Variants in ARHGAP18 observed in about 807,000 individuals in gnomAD.
ARHGAP18 encodes Rho GTPase activating protein 18.
A neutral mutation model predicts 86.2 loss-of-function variants in ARHGAP18; 67 were observed. That is an observed-to-expected ratio of 0.78 (90% CI 0.64 to 0.95). The LOEUF is 0.95. Ranked by LOEUF, ARHGAP18 falls within the 40% of genes least tolerant of loss-of-function variation. The pLI, the probability that ARHGAP18 is intolerant of heterozygous loss-of-function variation, is 0.00. For synonymous variants in ARHGAP18, 283 were observed against 280.4 expected (o/e 1.01, Z -0.09); for missense variants, 691 against 780.4 (o/e 0.89, Z 1.37).
intron 1 of ARHGAP18, among the ~76,000 whole-genome samples, chr6:129,653,034 G>A (rs989122675): frequency 2.0e-5 from 3 of 151,944 alleles, no homozygotes; most frequent in African/African-American, 7.3e-5. Flanking sequence ...AATAACGAAA[G>A]CTACATACAC....
At chr6:129,658,301 A>G (rs1045885023) in intron 1 of ARHGAP18, among the ~76,000 whole-genome samples, 4 of 152,112 alleles carry the variant, frequency 2.6e-5, no homozygotes, top group African/African-American at 7.2e-5. Flanking sequence ...CCCAACTTAC[A>G]CCTCAACCAC....
chr6:129,605,958 A>T lies in ARHGAP18; in HGVS notation c.1284T>A (p.Asn428Lys). The T allele has an allele frequency of 6.2e-7, 1 of 1,612,972 alleles. No homozygotes were observed. Among genetic ancestry groups the T allele is most frequent in the Non-Finnish European group, 8.5e-7 (1 of 1,179,074 alleles). The change falls in exon 10 of 15, where the codon AAT (asparagine) becomes AAA (lysine). Residue 428 changes from asparagine (N) to lysine (K), a missense_variant and splice_region_variant. Transcript: ENST00000368149. ...GTAGTTGCTGCTTCTTGGTTGGAAG[A>T]TCTGCAGACAAATTAAATAAATCTG... Reference protein sequence around the residue: ...EYLKAFQAVQNLPTKKQQLQA... With the variant: ...EYLKAFQAVQKLPTKKQQLQA...
At chr6:129,653,138 T>C (rs962069727) in intron 1 of ARHGAP18, among the ~76,000 whole-genome samples, 2 of 152,100 alleles carry the variant, frequency 1.3e-5, no homozygotes, top group African/African-American at 2.4e-5. Flanking sequence ...TCATCTCATA[T>C]CTCAATGAGA....
intron 7 of ARHGAP18, among the ~76,000 whole-genome samples, chr6:129,614,869 C>T (rs1789062362): frequency 6.7e-6 from 1 of 150,350 alleles, no homozygotes; most frequent in Non-Finnish European, 1.5e-5. Context: ...ATTTTGGTTT[C>T]CCAAAGAAGC....
At position 129,681,335 on chromosome 6, in the gene ARHGAP18, C is replaced by T. The variant is rs147192935; in HGVS notation, c.113+28689G>A. Among the ~76,000 whole-genome samples the T allele has an allele frequency of 2.5e-3, 378 of 152,288 alleles. 1 individual carries two copies. The highest frequency in any genetic ancestry group is 8.6e-3 in the African/African-American group (356 of 41,560). On this transcript the variant is annotated intron_variant, in intron 1 of 14. Transcript: ENST00000368149. The stretch of plus-strand genomic sequence containing the variant: ...TCGTGATCCGCCTGCCTCGGCCTCC[C>T]AAAGTGCTGGGATTACAGGCGTGAG...
rs1013253326 is a variant in ARHGAP18, at chr6:129,608,084, A to G, written c.1123-32T>C. On this transcript the variant is annotated intron_variant, in intron 8 of 14. Transcript: ENST00000368149. ...GGCACGAAAAAAAAAAAAAAAAAAA[A>G]AAGAAGCAGCTAGAAGTGCATTTTT... The G allele has an allele frequency of 1.5e-4, 226 of 1,524,306 alleles. 2 individuals carry two copies. The highest frequency in any genetic ancestry group is 1.9e-4 in the Middle Eastern group (1 of 5,376). 94.4% of individuals were successfully genotyped at this position (1,524,306 alleles called of 1,614,324 possible). A position where few individuals can be genotyped will look rare whatever the true frequency, so the allele number is the denominator to read the frequency against.
rs2114419303 is a variant in ARHGAP18 at position 129,577,000 on chromosome 6, T to C, written c.*1513A>G. 6.6e-6 allele frequency: 1 copy of C among 151,574 alleles called. No homozygotes were observed. Among genetic ancestry groups the C allele is most frequent in the Non-Finnish European group, 1.5e-5 (1 of 67,870 alleles). 9.4% of individuals were successfully genotyped at this position (151,574 alleles called of 1,614,324 possible). A position where few individuals can be genotyped will look rare whatever the true frequency, so the allele number is the denominator to read the frequency against. On this transcript the variant is annotated 3_prime_UTR_variant, in exon 15 of 15. Transcript: ENST00000368149. ...AGAAAATAGAAAATAGAGGTGACTT[T>C]TAATAACAAAAAAGTCCATTTCTCA...
intron 1 of ARHGAP18, among the ~76,000 whole-genome samples, chr6:129,666,980 T>A (rs1236284701): frequency 6.6e-6 from 1 of 151,748 alleles, no homozygotes; most frequent in Non-Finnish European, 1.5e-5. Context: ...GTCTAATTCA[T>A]CTACAAATAC....
intron 1 of ARHGAP18, among the ~76,000 whole-genome samples, chr6:129,706,835 C>T (rs528386640): frequency 4.6e-4 from 67 of 144,864 alleles, no homozygotes; most frequent in African/African-American, 1.6e-3. Context: ...GCAGTGAGCC[C>T]AGATCGTGCC....
intron 5 of ARHGAP18, among the ~76,000 whole-genome samples, chr6:129,624,809 G>T (rs1258247151): frequency 2.0e-5 from 3 of 150,778 alleles, no homozygotes; most frequent in Non-Finnish European, 4.4e-5. Context: ...GCCGGGCGTG[G>T]TGGTGGGCAC....
At chr6:129,680,545 G>A (rs2114536562) in intron 1 of ARHGAP18, among the ~76,000 whole-genome samples, 2 of 152,248 alleles carry the variant, frequency 1.3e-5, no homozygotes, top group South Asian at 4.1e-4. Context: ...TCAGAACTCT[G>A]GCTTGACACT....
At chr6:129,626,828 T>C (rs1159385486) in intron 5 of ARHGAP18, among the ~76,000 whole-genome samples, 1 of 152,122 alleles carries the variant, frequency 6.6e-6, no homozygotes, top group Non-Finnish European at 1.5e-5. Context: ...AATTATGTGA[T>C]ATTCTAAATA....
At chr6:129,636,751 G>A (rs1033218291) in intron 3 of ARHGAP18, among the ~76,000 whole-genome samples, 3 of 152,278 alleles carry the variant, frequency 2.0e-5, no homozygotes, top group Middle Eastern at 6.8e-3. Flanking sequence ...GGTGGCGTGC[G>A]CCTGTAGTCC....
At chr6:129,593,966 T>TAA (rs1215949072) in intron 12 of ARHGAP18, among the ~76,000 whole-genome samples, 1 of 152,114 alleles carries the variant, frequency 6.6e-6, no homozygotes. Context: ...AAACGGTTAG[T>TAA]TTTAATAGCA....
chr6:129,625,920 AGATATT>A (rs1789446461), intron 5 of ARHGAP18, among the ~76,000 whole-genome samples: 1 of 25,026 alleles, frequency 4.0e-5, no homozygotes, highest in African/African-American at 1.3e-4. Context: ...TATATATTAT[AGATATT>A]TATATATTAT....
rs1189105201 is a variant in ARHGAP18 at position 129,606,066 on chromosome 6, T to TA, written c.1283-108dup. ...AAGTTATTTGGCATAAACATGACTGTAAAATGTAAGACACAACGACTGAGC... is the reference window on the plus strand; with the variant it reads ...AAGTTATTTGGCATAAACATGACTGTAAAAATGTAAGACACAACGACTGAGC... On this transcript the variant is annotated intron_variant, in intron 9 of 14. Coordinates refer to ENST00000368149, the MANE Select transcript of ARHGAP18 (RefSeq NM_033515.3). The TA allele has an allele frequency of 2.2e-5, 23 of 1,041,602 alleles. No individual in the cohort carries two copies. The African/African-American group carries it at 3.4e-4, about 15-fold the overall frequency. The allele number at this position is 1,041,602 out of a possible 1,614,324, so 64.5% of individuals were successfully genotyped here. A position where few individuals can be genotyped will look rare whatever the true frequency, so the allele number is the denominator to read the frequency against.
intron 10 of ARHGAP18, among the ~76,000 whole-genome samples, chr6:129,602,987 T>TTATATATA (rs34563210): frequency 0.01 from 1,478 of 146,790 alleles, 17 homozygotes; most frequent in East Asian, 0.035. Context: ...AATTTCCCCT[T>TTATATATA]TATATATATA....
chr6:129,626,786 C>T (rs1405082128), intron 5 of ARHGAP18, among the ~76,000 whole-genome samples: 4 of 151,976 alleles, frequency 2.6e-5, no homozygotes, highest in African/African-American at 9.7e-5. Context: ...TCTGAGAATG[C>T]TGTGCATTAA....
chr6:129,591,929 A>C (rs947206662), intron 12 of ARHGAP18, among the ~76,000 whole-genome samples: 14 of 152,238 alleles, frequency 9.2e-5, no homozygotes, highest in Admixed American at 8.5e-4. Context: ...AAGTGGTGAT[A>C]TAAAAGGAAT....
Sources: gnomAD v4.1 joint callset for allele counts (sites outside exome capture counted in the v4.1 genomes callset) on GRCh38, gnomAD v4.1.1 for gene constraint, MANE v1.5 for transcripts, NCBI Gene and HGNC (gene_info 2026-07-23, HGNC 2026-07-21) for gene names.